Variants in RB1 observed in about 807,000 individuals in gnomAD.
The protein encoded by RB1 is retinoblastoma-associated protein.
RB1 carries 18 observed loss-of-function variants against 135.4 expected under a neutral mutation model. The observed-to-expected ratio is 0.13, with a 90% CI of 0.09 to 0.20. RB1 has a LOEUF of 0.20. Ranked by LOEUF, RB1 falls within the 10% of genes least tolerant of loss-of-function variation. The pLI, the probability that RB1 is intolerant of heterozygous loss-of-function variation, is 1.00. For synonymous variants in RB1, 365 were observed against 373.2 expected (o/e 0.98, Z 0.25); for missense variants, 868 against 1,110.0 (o/e 0.78, Z 3.10).
rs372459968 is a variant in RB1 at position 48,480,100 on chromosome 13, T to C, written c.*29T>C. 6.4e-7 allele frequency: 1 copy of C among 1,558,770 alleles called. No homozygotes were observed. Among genetic ancestry groups the C allele is most frequent in the Non-Finnish European group, 8.8e-7 (1 of 1,131,132 alleles). On this transcript the variant is annotated 3_prime_UTR_variant, in exon 27 of 27. Coordinates refer to ENST00000267163, the MANE Select transcript of RB1 (RefSeq NM_000321.3). ...TCTCAGGACCTTGGTGGACACTGTG[T>C]ACACCTCTGGATTCATTGTCTCTCA...
chr13:48,365,556 G>A (rs925774554), intron 9 of RB1, among the ~76,000 whole-genome samples: 3 of 152,106 alleles, frequency 2.0e-5, no homozygotes, highest in Non-Finnish European at 4.4e-5. Context: ...GCTTTGCATG[G>A]TAAGACGAAA....
intron 4 of RB1, among the ~76,000 whole-genome samples, chr13:48,346,956 GT>G (rs11352741): frequency 0.02 from 2,929 of 147,080 alleles, 87 homozygotes; most frequent in East Asian, 0.12. Context: ...AATCATCAGG[GT>G]TTTTTTTTTT....
intron 6 of RB1, 124 bp downstream of exon 6, chr13:48,349,147 T>G: frequency 4.0e-6 from 4 of 1,003,326 alleles, no homozygotes; most frequent in Non-Finnish European, 5.5e-6. Context: ...CTGCTTGGCT[T>G]ATTAACTGTT....
At chr13:48,346,791 G>A (rs1952502744) in intron 4 of RB1, among the ~76,000 whole-genome samples, 1 of 151,984 alleles carries the variant, frequency 6.6e-6, no homozygotes, top group African/African-American at 2.4e-5. Context: ...TGAAATGACT[G>A]GAGAGAAGTT....
intron 17 of RB1, among the ~76,000 whole-genome samples, chr13:48,408,965 G>A (rs776115955): frequency 1.3e-5 from 2 of 152,006 alleles, no homozygotes; most frequent in Non-Finnish European, 2.9e-5. Flanking sequence ...CAGTAGATTG[G>A]TAGTTGCTTC....
intron 17 of RB1, among the ~76,000 whole-genome samples, chr13:48,394,946 G>C (rs1222177879): frequency 6.6e-6 from 1 of 152,206 alleles, no homozygotes; most frequent in East Asian, 1.9e-4. Context: ...TGTGCCTCCT[G>C]ACTGGGAAAC....
intron 6 of RB1, among the ~76,000 whole-genome samples, chr13:48,350,503 T>C (rs1952538187): frequency 6.6e-6 from 1 of 152,108 alleles, no homozygotes. Flanking sequence ...CCAAAACCTA[T>C]GGGATACAGT....
At position 48,411,180 on chromosome 13, in the gene RB1, G is replaced by A. The variant is rs560008032; in HGVS notation, c.1695+29737G>A. 2.1e-3 allele frequency: 984 copies of A among 469,828 alleles called. 22 individuals are homozygous for A. In the South Asian group the frequency reaches 0.032, roughly 15 times the overall value. 29.1% of individuals were successfully genotyped at this position (469,828 alleles called of 1,614,324 possible). On this transcript the variant is annotated intron_variant, in intron 17 of 26. Transcript: ENST00000267163. ...TTTTAATGAAGGAACAAATCAAAAT[G>A]GCTCAGAAAAATCAGATGGAGTGGA...
At chr13:48,309,929 C>A (rs1157263526) in intron 2 of RB1, among the ~76,000 whole-genome samples, 2 of 152,078 alleles carry the variant, frequency 1.3e-5, no homozygotes, top group African/African-American at 4.8e-5. Flanking sequence ...TCCCTGGGAA[C>A]TGGCCCAGTT....
chr13:48,343,257 A>G (rs943514209), intron 3 of RB1, among the ~76,000 whole-genome samples: 1 of 152,146 alleles, frequency 6.6e-6, no homozygotes, highest in Admixed American at 6.5e-5. Context: ...ATGTGTTTTC[A>G]ATAATGTATG....
At chr13:48,315,952 C>T (rs917032971) in intron 2 of RB1, among the ~76,000 whole-genome samples, 2 of 152,220 alleles carry the variant, frequency 1.3e-5, no homozygotes, top group African/African-American at 4.8e-5. Context: ...TGCTAATTTA[C>T]ATTTCCACCA....
chr13:48,341,880 G>T (rs1485180970), intron 2 of RB1, among the ~76,000 whole-genome samples: 2 of 151,746 alleles, frequency 1.3e-5, no homozygotes, highest in Admixed American at 1.3e-4. Flanking sequence ...CATTTCTTTT[G>T]TTTCCAACTT....
intron 17 of RB1, 22 bp downstream of exon 17, chr13:48,381,465 G>T (rs145544222): frequency 6.2e-7 from 1 of 1,609,132 alleles, no homozygotes; most frequent in African/African-American, 1.3e-5. Flanking sequence ...AATAATTGAA[G>T]AAATTCATTC....
At chr13:48,315,477 T>G (rs1952174024) in intron 2 of RB1, among the ~76,000 whole-genome samples, 1 of 152,166 alleles carries the variant, frequency 6.6e-6, no homozygotes, top group South Asian at 2.1e-4. Context: ...ACAGGAATAG[T>G]TTGACTTCCT....
At chr13:48,309,357 G>C (rs76705467) in intron 2 of RB1, among the ~76,000 whole-genome samples, 1,911 of 152,248 alleles carry the variant, frequency 0.013, 45 homozygotes, top group African/African-American at 0.044. Flanking sequence ...TGTCCCATAA[G>C]AAAATTGTTT....
At chr13:48,347,965 A>G in intron 5 of RB1, 102 bp downstream of exon 5, 1 of 850,268 alleles carries the variant, frequency 1.2e-6, no homozygotes, top group Non-Finnish European at 1.9e-6. Flanking sequence ...CGATTATAGC[A>G]GGCTACTTCA....
At position 48,365,531 on chromosome 13, in the gene RB1, A is replaced by T. The variant is rs115408475; in HGVS notation, c.939+560A>T. On this transcript the variant is annotated intron_variant, in intron 9 of 26. Coordinates refer to ENST00000267163, the MANE Select transcript of RB1 (RefSeq NM_000321.3). ...TGCTACAAATGTCTTTCCAATGAGA[A>T]CAGAATAACTGAGAGCTTTGCATGG... 3.7e-3 allele frequency among the ~76,000 whole-genome samples: 563 copies of T among 152,330 alleles called. 7 individuals carry two copies. The highest frequency in any genetic ancestry group is 0.013 in the African/African-American group (541 of 41,570).
At chr13:48,348,148 A>G (rs1952514720) in intron 5 of RB1, among the ~76,000 whole-genome samples, 1 of 152,018 alleles carries the variant, frequency 6.6e-6, no homozygotes, top group South Asian at 2.1e-4. Context: ...CATTGACTAA[A>G]TCTTTATTGA....
At chr13:48,364,294 G>A (rs1952672062) in intron 8 of RB1, among the ~76,000 whole-genome samples, 1 of 152,120 alleles carries the variant, frequency 6.6e-6, no homozygotes, top group African/African-American at 2.4e-5. Context: ...CAAAATATAT[G>A]TAGATACTAG....
Sources: gnomAD v4.1 joint callset for allele counts (sites outside exome capture counted in the v4.1 genomes callset) on GRCh38, gnomAD v4.1.1 for gene constraint, MANE v1.5 for transcripts, NCBI Gene and HGNC (gene_info 2026-07-23, HGNC 2026-07-21) for gene names.